Variants in LRMDA observed in about 807,000 individuals in gnomAD.
The protein encoded by LRMDA is leucine rich melanocyte differentiation associated.
LRMDA carries 18 observed loss-of-function variants against 29.8 expected under a neutral mutation model. The observed-to-expected ratio is 0.60, with a 90% CI of 0.42 to 0.90. LRMDA has a LOEUF of 0.90. Among genes scored for constraint, LRMDA ranks in the 40% least tolerant of loss-of-function variants. The pLI is 0.00. For missense variants in LRMDA, 273 were observed against 273.9 expected (o/e 1.00, Z 0.02); for synonymous variants, 125 against 109.4 (o/e 1.14, Z -0.89).
intron 2 of LRMDA, among the ~76,000 whole-genome samples, chr10:75,690,755 C>G (rs1249238850): frequency 6.6e-6 from 1 of 151,690 alleles, no homozygotes; most frequent in Non-Finnish European, 1.5e-5. Context: ...GTCAAGAGCT[C>G]AAGACCAGCC....
At chr10:75,769,040 C>A (rs1477329880) in intron 2 of LRMDA, among the ~76,000 whole-genome samples, 1 of 152,128 alleles carries the variant, frequency 6.6e-6, no homozygotes, top group Non-Finnish European at 1.5e-5. Flanking sequence ...CAGAGACGGG[C>A]AAAGTGTACA....
chr10:75,614,105 T>G (rs1841069107), intron 2 of LRMDA, among the ~76,000 whole-genome samples: 1 of 152,188 alleles, frequency 6.6e-6, no homozygotes, highest in African/African-American at 2.4e-5. Flanking sequence ...TTACATGCCA[T>G]TTTCTTGTTC....
chr10:76,508,148 T>A (rs1366866622), intron 6 of LRMDA, among the ~76,000 whole-genome samples: 1 of 152,186 alleles, frequency 6.6e-6, no homozygotes, highest in African/African-American at 2.4e-5. Context: ...TATCAATTTC[T>A]CCCAGTTGTG....
At chr10:76,245,851 C>T (rs1852366329) in intron 5 of LRMDA, among the ~76,000 whole-genome samples, 2 of 152,174 alleles carry the variant, frequency 1.3e-5, no homozygotes, top group Non-Finnish European at 2.9e-5. Context: ...AACTATGTAT[C>T]ATTCTTATTC....
chr10:75,577,951 C>T (rs1034356690), intron 2 of LRMDA, among the ~76,000 whole-genome samples: 1 of 150,576 alleles, frequency 6.6e-6, no homozygotes, highest in South Asian at 2.1e-4. Flanking sequence ...ATTGTAAAGA[C>T]CATGGATGCT....
At chr10:76,043,292 A>G (rs1234382435) in intron 3 of LRMDA, among the ~76,000 whole-genome samples, 10 of 152,192 alleles carry the variant, frequency 6.6e-5, no homozygotes, top group Admixed American at 3.9e-4. Context: ...AATATGGTGG[A>G]TAGTAAGAGT....
At chr10:76,115,822 A>G (rs1849658621) in intron 5 of LRMDA, among the ~76,000 whole-genome samples, 1 of 152,054 alleles carries the variant, frequency 6.6e-6, no homozygotes, top group African/African-American at 2.4e-5. Flanking sequence ...AGAAACTCCT[A>G]AGGGGGACTG....
chr10:75,486,646 G>C lies in LRMDA; in HGVS notation c.131+48152G>C, dbSNP rs994251886. The stretch of plus-strand genomic sequence containing the variant: ...AATTTGTAAAGGGGCATTCTGGTCT[G>C]GGGGGGGCAACATGAGCAAAGTTGG... On this transcript the variant is annotated intron_variant, in intron 2 of 6. Coordinates refer to ENST00000611255, the MANE Select transcript of LRMDA (RefSeq NM_001305581.2). Among the ~76,000 whole-genome samples, 5 of 151,382 alleles carry C rather than the reference G, an allele frequency of 3.3e-5. No homozygotes were observed. In the South Asian group the frequency reaches 6.3e-4, roughly 19 times the overall value.
At chr10:75,677,818 C>T (rs1589154876) in intron 2 of LRMDA, among the ~76,000 whole-genome samples, 1 of 152,158 alleles carries the variant, frequency 6.6e-6, no homozygotes. Flanking sequence ...TTGGACCACC[C>T]ATCCCTATTC....
chr10:76,223,054 G>A (rs1264509814), intron 5 of LRMDA, among the ~76,000 whole-genome samples: 3 of 151,820 alleles, frequency 2.0e-5, no homozygotes, highest in Non-Finnish European at 4.4e-5. Flanking sequence ...CTCATAGGTG[G>A]GAATTGAACA....
At chr10:75,647,880 C>T (rs975684121) in intron 2 of LRMDA, among the ~76,000 whole-genome samples, 1 of 152,148 alleles carries the variant, frequency 6.6e-6, no homozygotes, top group Non-Finnish European at 1.5e-5. Context: ...TCACCCACCA[C>T]CCCTACCCAC....
At chr10:76,512,653 G>A (rs1052621280) in intron 6 of LRMDA, among the ~76,000 whole-genome samples, 1 of 152,108 alleles carries the variant, frequency 6.6e-6, no homozygotes, top group Non-Finnish European at 1.5e-5. Context: ...AAGTCTTCAT[G>A]ACCTTGGGCT....
At chr10:75,979,411 T>C (rs567605350) in intron 2 of LRMDA, among the ~76,000 whole-genome samples, 2 of 152,304 alleles carry the variant, frequency 1.3e-5, no homozygotes, top group East Asian at 3.9e-4. Context: ...AGTGGCTCCA[T>C]ATATGATAAT....
chr10:76,002,282 A>C (rs1274458019), intron 2 of LRMDA, among the ~76,000 whole-genome samples: 2 of 152,164 alleles, frequency 1.3e-5, no homozygotes, highest in East Asian at 1.9e-4. Context: ...TGCAACTTCA[A>C]ATACTACTTA....
At chr10:76,234,784 A>T (rs1194925381) in intron 5 of LRMDA, among the ~76,000 whole-genome samples, 1 of 152,182 alleles carries the variant, frequency 6.6e-6, no homozygotes, top group Non-Finnish European at 1.5e-5. Flanking sequence ...CTCAGCCTTT[A>T]CATAAATGAG....
chr10:75,997,224 G>T (rs1285707407), intron 2 of LRMDA, among the ~76,000 whole-genome samples: 1 of 151,978 alleles, frequency 6.6e-6, no homozygotes, highest in Non-Finnish European at 1.5e-5. Flanking sequence ...GTATGTATTT[G>T]CACAGATACC....
intron 2 of LRMDA, among the ~76,000 whole-genome samples, chr10:75,839,772 G>A (rs1486619655): frequency 1.5e-5 from 2 of 136,772 alleles, no homozygotes; most frequent in African/African-American, 5.7e-5. Context: ...GCAGTGGCAC[G>A]ATCTGGGCTC....
intron 5 of LRMDA, among the ~76,000 whole-genome samples, chr10:76,231,085 C>G (rs35321465): frequency 6.6e-6 from 1 of 151,474 alleles, no homozygotes; most frequent in South Asian, 2.1e-4. Flanking sequence ...GAGCTGCCTC[C>G]GAGCAAAGGC....
At chr10:75,846,394 C>T (rs911501368) in intron 2 of LRMDA, among the ~76,000 whole-genome samples, 3 of 152,046 alleles carry the variant, frequency 2.0e-5, no homozygotes. Flanking sequence ...TAGGCTTAAC[C>T]TCATTTTCAC....
Sources: allele counts gnomAD v4.1 joint callset (sites outside exome capture counted in the v4.1 genomes callset), GRCh38; gene constraint gnomAD v4.1.1; transcripts MANE v1.5; gene names NCBI Gene and HGNC (gene_info 2026-07-23, HGNC 2026-07-21).